Variants in PAPLN observed in about 807,000 individuals in gnomAD.
PAPLN encodes the protein papilin, proteoglycan like sulfated glycoprotein, also known as papilin.
In PAPLN, 146 loss-of-function variants were observed where a neutral mutation model predicts 159.0. That is an observed-to-expected ratio of 0.92 (90% CI 0.80 to 1.05). The LOEUF (loss-of-function observed/expected upper bound fraction) is 1.05. Ranked by LOEUF, PAPLN falls within the 50% of genes least tolerant of loss-of-function variation. The pLI is 0.00. For missense variants in PAPLN, 1,720 were observed against 1,743.9 expected (o/e 0.99, Z 0.24); for synonymous variants, 734 against 702.9 (o/e 1.04, Z -0.70).
chr14:73,262,819 C>A lies in PAPLN; in HGVS notation c.2715C>A (p.Ser905=). The change falls in exon 19 of 27, where the codon TCC becomes TCA. Residue 905 remains serine, a synonymous_variant. Transcript: ENST00000644200. ...AGSPAPPFHS[S]SYRISLAGVE... ...CACCAGCGCCACCCTTCCACAGCTC[C>A]TCCTACAGGTGAGGCCCACCTTCCC... 1.4e-6 allele frequency: 2 copies of A among 1,477,852 alleles called. No homozygotes were observed. Among genetic ancestry groups the A allele is most frequent in the East Asian group, 2.4e-5 (1 of 41,658 alleles). 91.5% of individuals were successfully genotyped at this position (1,477,852 alleles called of 1,614,324 possible). A position where few individuals can be genotyped will look rare whatever the true frequency, so the allele number is the denominator to read the frequency against.
intron 16 of PAPLN, among the ~76,000 whole-genome samples, chr14:73,259,925 C>T (rs576468511): frequency 1.1e-4 from 16 of 152,178 alleles, no homozygotes; most frequent in East Asian, 1.9e-4. Context: ...CTAACAGCCC[C>T]GGCCACTCCC....
At position 73,258,969 on chromosome 14, in the gene PAPLN, C is replaced by T. The variant is rs752344664; in HGVS notation, c.1628-10C>T. On this transcript the variant is annotated splice_polypyrimidine_tract_variant and intron_variant, in intron 14 of 26. Transcript: ENST00000644200. ...TCTCCGTCCCACATGGACCTCCCGG[C>T]TCCCTGCAGAGGTCCCCAGCATGCA... 4 of 1,605,224 alleles carry T rather than the reference C, an allele frequency of 2.5e-6. No individual in the cohort carries two copies. Among genetic ancestry groups the T allele is most frequent in the Non-Finnish European group, 3.4e-6 (4 of 1,175,558 alleles).
chr14:73,239,657 T>G lies in PAPLN; in HGVS notation c.-6-116T>G, dbSNP rs147377303. ...ACCGAGGCGCACCCGGCTGTCCTGTTGCGGGTCTCCTGGTCACCTGTGGGC... is the reference window on the plus strand; with the variant it reads ...ACCGAGGCGCACCCGGCTGTCCTGTGGCGGGTCTCCTGGTCACCTGTGGGC... On this transcript the variant is annotated intron_variant, in intron 1 of 26. Coordinates refer to ENST00000644200, the MANE Select transcript of PAPLN (RefSeq NM_001365906.3). 2.4e-4 allele frequency: 356 copies of G among 1,466,274 alleles called. 2 individuals carry two copies. The African/African-American group carries it at 4.7e-3, about 19-fold the overall frequency. The allele number at this position is 1,466,274 out of a possible 1,614,324, so 90.8% of individuals were successfully genotyped here.
chr14:73,246,061 T>C lies in PAPLN; in HGVS notation c.232-12T>C. 1 of 1,526,222 alleles carries C rather than the reference T, an allele frequency of 6.6e-7. No homozygotes were observed. Among genetic ancestry groups the C allele is most frequent in the Non-Finnish European group, 8.8e-7 (1 of 1,140,808 alleles). The allele number at this position is 1,526,222 out of a possible 1,614,324, so 94.5% of individuals were successfully genotyped here. A position where few individuals can be genotyped will look rare whatever the true frequency, so the allele number is the denominator to read the frequency against. ...CGCCCTCCTGGATCCCGACTTCCCC[T>C]CCGCCCCGCAGAGCTGCCCCGACGG... On this transcript the variant is annotated splice_polypyrimidine_tract_variant and intron_variant, in intron 4 of 26. Coordinates refer to ENST00000644200, the MANE Select transcript of PAPLN (RefSeq NM_001365906.3).
chr14:73,250,076 C>T lies in PAPLN; in HGVS notation c.427C>T (p.Pro143Ser). The T allele has an allele frequency of 3.1e-6, 5 of 1,612,458 alleles. No homozygotes were observed. The highest frequency in any genetic ancestry group is 1.1e-5 in the South Asian group (1 of 90,686). The change falls in exon 6 of 27, where the codon CCT becomes TCT. Residue 143 changes from proline to serine, a missense_variant. Coordinates refer to ENST00000644200, the MANE Select transcript of PAPLN (RefSeq NM_001365906.3). ...EAVVDGTPCE[P>S]GKRDVCVDGS... ...TGTGGTTGATGGGACGCCCTGCGAGCCTGGCAAGAGGGATGTCTGTGTGGA... is the reference window on the plus strand; with the variant it reads ...TGTGGTTGATGGGACGCCCTGCGAGTCTGGCAAGAGGGATGTCTGTGTGGA...
At chr14:73,259,665 G>A in intron 16 of PAPLN, 120 bp downstream of exon 16, 3 of 1,276,694 alleles carry the variant, frequency 2.3e-6, no homozygotes, top group Non-Finnish European at 3.1e-6. Context: ...CTCAGGAATA[G>A]GATGCCCAAG....
chr14:73,263,875 A>G, intron 20 of PAPLN, 93 bp downstream of exon 20: 1 of 1,260,590 alleles, frequency 7.9e-7, no homozygotes, highest in East Asian at 3.0e-5. Flanking sequence ...ACCTCCTCTG[A>G]TAGGTGTGAC....
rs1276093564 is a variant in PAPLN, at chr14:73,247,796, CCGTGTGTGTGTGTG to C, written c.334+1622_334+1635del. Among the ~76,000 whole-genome samples, 40 of 60,618 alleles carry C rather than the reference CCGTGTGTGTGTGTG, an allele frequency of 6.6e-4. 5 individuals carry two copies. Among genetic ancestry groups the C allele is most frequent in the South Asian group, 4.0e-3 (5 of 1,264 alleles). The allele number at this position is 60,618 out of a possible 152,430, so 39.8% of individuals were successfully genotyped here. On this transcript the variant is annotated intron_variant, in intron 5 of 26. Transcript: ENST00000644200. ...CGTGGCCCAGTGGGAGTCTCTTATC[CCGTGTGTGTGTGTG>C]TGTGTGTGTGTGTGTGTGTGTGTGT... is the stretch of plus-strand genomic sequence containing the variant.
intron 3 of PAPLN, 92 bp downstream of exon 3, chr14:73,244,851 G>C: frequency 2.0e-6 from 2 of 986,060 alleles, no homozygotes; most frequent in Non-Finnish European, 2.9e-6. Context: ...GCCTAGGCTA[G>C]CACTGGCCAC....
At chr14:73,267,949 A>C (rs1184347284) in intron 25 of PAPLN, among the ~76,000 whole-genome samples, 1 of 151,022 alleles carries the variant, frequency 6.6e-6, no homozygotes, top group Non-Finnish European at 1.5e-5. Flanking sequence ...CTCCCTACTC[A>C]CTTCTCAGGG....
chr14:73,239,367 C>T (rs1883291401), intron 1 of PAPLN, among the ~76,000 whole-genome samples: 2 of 152,066 alleles, frequency 1.3e-5, no homozygotes, highest in Admixed American at 6.5e-5. Flanking sequence ...TTTTTTAAAG[C>T]CTATATTAGG....
chr14:73,252,722 A>G lies in PAPLN; in HGVS notation c.1041A>G (p.Pro347=). 1 of 1,613,598 alleles carries G rather than the reference A, an allele frequency of 6.2e-7. No individual in the cohort carries two copies. Among genetic ancestry groups the G allele is most frequent in the Non-Finnish European group, 8.5e-7 (1 of 1,180,004 alleles). ...AYPDHMCQRQ[P]RPADRRSCNL... is the part of the protein sequence containing the mutation. ...CCGACCACATGTGCCAGCGCCAGCC[A>G]CGGCCAGCTGACCGGCGTTCCTGCA... Residue 347 remains proline, a synonymous_variant, in exon 11 of 27, where the codon CCA becomes CCG. Transcript: ENST00000644200.
In PAPLN at chr14:73,245,098, C is replaced by G; in HGVS notation, c.170+339C>G. 1 of 240,260 alleles carries G rather than the reference C, an allele frequency of 4.2e-6. No homozygotes were observed. Among genetic ancestry groups the G allele is most frequent in the South Asian group, 6.3e-5 (1 of 15,776 alleles). 14.9% of individuals were successfully genotyped at this position (240,260 alleles called of 1,614,324 possible). ...TTCCCAATTCCTGTGGTTTCTTTAC[C>G]GAGTACAGATGTTCCCCACTTCAAG... On this transcript the variant is annotated intron_variant, in intron 3 of 26. Coordinates refer to ENST00000644200, the MANE Select transcript of PAPLN (RefSeq NM_001365906.3). The surrounding 1 kb of genome is among the most constrained non-coding windows in gnomAD (Gnocchi z 4.2).
At chr14:73,258,045 G>A (rs752115942) in intron 14 of PAPLN, among the ~76,000 whole-genome samples, 4 of 152,200 alleles carry the variant, frequency 2.6e-5, no homozygotes, top group Non-Finnish European at 5.9e-5. Context: ...GATTGCGGGC[G>A]GGAGCCCGTG....
Position 73,260,734 on chromosome 14 carries a change from T to G in PAPLN, c.2011T>G (p.Ser671Ala). 6 of 1,473,286 alleles carry G rather than the reference T, an allele frequency of 4.1e-6. No homozygotes were observed. Among genetic ancestry groups the G allele is most frequent in the Non-Finnish European group, 5.4e-6 (6 of 1,116,378 alleles). 91.3% of individuals were successfully genotyped at this position (1,473,286 alleles called of 1,614,324 possible). Residue 671 changes from serine (S) to alanine (A), a missense_variant, in exon 17 of 27, where the codon TCT becomes GCT. Transcript: ENST00000644200. ...GTACGGGTGCTGCCCTGACAGGGTA[T>G]CTGTCGCTGAGGGGCCCCATCACGC... is the stretch of plus-strand genomic sequence containing the variant. ...SRYGCCPDRVSVAEGPHHAGC... is the reference protein window; with the variant it reads ...SRYGCCPDRVAVAEGPHHAGC...
chr14:73,267,959 G>T (rs1438313421), intron 25 of PAPLN, among the ~76,000 whole-genome samples: 1 of 152,108 alleles, frequency 6.6e-6, no homozygotes, highest in Admixed American at 6.5e-5. Context: ...ACTTCTCAGG[G>T]CCTGCAGTGG....
In PAPLN at chr14:73,244,623, G is replaced by A. The variant is rs758728321; in HGVS notation, c.55-21G>A. On this transcript the variant is annotated intron_variant, in intron 2 of 26. Transcript: ENST00000644200. ...CAGGCTGTGAGTGGGCAATGCTGAT[G>A]CATGGTCCTGTCTTCTGCAGGCTCC... 5.8e-6 allele frequency: 9 copies of A among 1,549,904 alleles called. No individual in the cohort carries two copies. The South Asian group carries it at 9.5e-5, about 16-fold the overall frequency.
At chr14:73,251,639 G>GAC in intron 8 of PAPLN, 25 bp from the exon 9 acceptor site, 1 of 1,613,506 alleles carries the variant, frequency 6.2e-7, no homozygotes, top group Non-Finnish European at 8.5e-7. Flanking sequence ...CCCTCTGGCT[G>GAC]ACTGAGGCGG....
rs188265612 is a variant in PAPLN at position 73,257,913 on chromosome 14, G to A, written c.1628-1066G>A. ...TGAGTAGCTGGGATTACAGGTGTGT[G>A]CTACTGCGCCCAGCTAATTTTTGTA... On this transcript the variant is annotated intron_variant, in intron 14 of 26. Transcript: ENST00000644200. Among the ~76,000 whole-genome samples the A allele has an allele frequency of 1.8e-3, 278 of 152,070 alleles. 2 individuals carry two copies. Among genetic ancestry groups the A allele is most frequent in the African/African-American group, 6.2e-3 (258 of 41,520 alleles).
Sources: gnomAD v4.1 joint callset for allele counts (sites outside exome capture counted in the v4.1 genomes callset) on GRCh38, gnomAD v4.1.1 for gene constraint, Gnocchi (gnomAD v3.1) non-coding constraint, MANE v1.5 for transcripts, NCBI Gene and HGNC (gene_info 2026-07-23, HGNC 2026-07-21) for gene names.